The following RPH3A variants were observed in gnomAD, a reference collection of about 807,000 sequenced individuals.
The protein encoded by RPH3A is rabphilin 3A, also known as rabphilin-3A.
A neutral mutation model predicts 102.2 loss-of-function variants in RPH3A; 48 were observed. That is an observed-to-expected ratio of 0.47 (90% confidence interval 0.37 to 0.60). The LOEUF is 0.60. RPH3A is among the 20% of genes least tolerant of loss of function. The pLI is 0.00. For missense variants in RPH3A, 781 were observed against 910.1 expected (o/e 0.86, Z 1.83); for synonymous variants, 310 against 324.3 (o/e 0.96, Z 0.47).
chr12:112,823,759 G>A (rs1330782413), intron 2 of RPH3A, among the ~76,000 whole-genome samples: 1 of 152,188 alleles, frequency 6.6e-6, no homozygotes, highest in Non-Finnish European at 1.5e-5. Context: ...TCTGTAGTGA[G>A]TGATGGGAAA....
chr12:112,631,000 G>A (rs1201772924), intron 1 of RPH3A, among the ~76,000 whole-genome samples: 5 of 152,096 alleles, frequency 3.3e-5, no homozygotes, highest in Non-Finnish European at 7.4e-5. Context: ...GGCAGGTTGG[G>A]GATGAGGAGA....
chr12:112,583,841 C>T (rs1192484989), intron 1 of RPH3A, among the ~76,000 whole-genome samples: 1 of 152,038 alleles, frequency 6.6e-6, no homozygotes, highest in African/African-American at 2.4e-5. Context: ...AAAAATTAGC[C>T]AGGTGGTTGT....
intron 1 of RPH3A, among the ~76,000 whole-genome samples, chr12:112,743,764 A>G (rs2040726039): frequency 6.6e-6 from 1 of 152,180 alleles, no homozygotes; most frequent in South Asian, 2.1e-4. Context: ...AAATGGAAAA[A>G]GATTTGATGT....
intron 1 of RPH3A, among the ~76,000 whole-genome samples, chr12:112,725,835 G>A (rs2040585200): frequency 6.6e-6 from 1 of 151,306 alleles, no homozygotes; most frequent in African/African-American, 2.4e-5. Context: ...TTGCTCTGTT[G>A]CCCAGGCTGG....
chr12:112,821,863 G>A (rs2041786289), intron 2 of RPH3A, among the ~76,000 whole-genome samples: 1 of 152,020 alleles, frequency 6.6e-6, no homozygotes, highest in African/African-American at 2.4e-5. Context: ...CATAGTAATG[G>A]TAAATGTTCC....
At position 112,673,967 on chromosome 12, in the gene RPH3A, C is replaced by T. The variant is rs2040153587; in HGVS notation, c.-140+98648C>T. On this transcript the variant is annotated intron_variant, in intron 1 of 21. Coordinates refer to the RPH3A transcript ENST00000543106. ...TGAGATGGATTCTTGTTATGTTGTCCAGACTGGTCTTAAACTCCTGGTTTC... is the reference window on the plus strand; with the variant it reads ...TGAGATGGATTCTTGTTATGTTGTCTAGACTGGTCTTAAACTCCTGGTTTC... Among the ~76,000 whole-genome samples the T allele has an allele frequency of 2.6e-5, 4 of 152,274 alleles. No homozygotes were observed. In the South Asian group the frequency reaches 8.3e-4, roughly 32 times the overall value.
At chr12:112,865,300 G>A (rs2042589768) in intron 5 of RPH3A, 114 bp from the exon 6 acceptor site, 2 of 1,235,576 alleles carry the variant, frequency 1.6e-6, no homozygotes, top group Non-Finnish European at 1.1e-6. Context: ...ACTGTCATCA[G>A]ACGCACAACA....
chr12:112,789,546 G>T (rs1029127947), upstream of RPH3A, among the ~76,000 whole-genome samples: 3 of 152,118 alleles, frequency 2.0e-5, no homozygotes, highest in Non-Finnish European at 4.4e-5. Context: ...TTGAGTCTAA[G>T]TTTTCTCATT....
At chr12:112,718,748 A>G (rs746254583) in intron 1 of RPH3A, among the ~76,000 whole-genome samples, 7 of 152,202 alleles carry the variant, frequency 4.6e-5, no homozygotes, top group Non-Finnish European at 1.0e-4. Flanking sequence ...TCCAACTTCA[A>G]TCCATTGGTA....
At chr12:112,668,407 A>T (rs774648156) in intron 1 of RPH3A, among the ~76,000 whole-genome samples, 9 of 152,178 alleles carry the variant, frequency 5.9e-5, no homozygotes, top group Non-Finnish European at 1.3e-4. Flanking sequence ...GTTCATTTTA[A>T]AAAGTAAATG....
chr12:112,823,863 A>G (rs1358417829), intron 2 of RPH3A, among the ~76,000 whole-genome samples: 3 of 152,216 alleles, frequency 2.0e-5, no homozygotes, highest in Non-Finnish European at 2.9e-5. Flanking sequence ...GTTGGCTTTC[A>G]TGAAGTATCA....
chr12:112,654,374 C>T (rs1566244428), intron 1 of RPH3A, among the ~76,000 whole-genome samples: 2 of 151,886 alleles, frequency 1.3e-5, no homozygotes, highest in Non-Finnish European at 2.9e-5. Flanking sequence ...GGATTCTTTT[C>T]CTTCTTCTGC....
chr12:112,667,458 C>A (rs1427346717), intron 1 of RPH3A, among the ~76,000 whole-genome samples: 1 of 151,990 alleles, frequency 6.6e-6, no homozygotes, highest in East Asian at 1.9e-4. Flanking sequence ...GCAGAAAATG[C>A]AGGAGTAATT....
intron 1 of RPH3A, among the ~76,000 whole-genome samples, chr12:112,746,416 G>T (rs1318453166): frequency 6.6e-6 from 1 of 152,054 alleles, no homozygotes; most frequent in East Asian, 1.9e-4. Context: ...GTAGAAGCCA[G>T]ACCTCCAAAT....
chr12:112,777,697 G>A (rs766255193), intron 1 of RPH3A, among the ~76,000 whole-genome samples: 1 of 152,222 alleles, frequency 6.6e-6, no homozygotes, highest in Non-Finnish European at 1.5e-5. Flanking sequence ...AATGATGCTA[G>A]CAGCTGAACA....
chr12:112,704,240 C>G lies in RPH3A; in HGVS notation c.-139-87903C>G, dbSNP rs185675699. ...AGTACCTGGGACTACAGGCGTAAGCCGTCACACCTGGATAATTTTTGTATT... is the reference window on the plus strand; with the variant it reads ...AGTACCTGGGACTACAGGCGTAAGCGGTCACACCTGGATAATTTTTGTATT... On this transcript the variant is annotated intron_variant, in intron 1 of 21. Coordinates refer to the RPH3A transcript ENST00000543106. Among the ~76,000 whole-genome samples, 4 of 152,110 alleles carry G rather than the reference C, an allele frequency of 2.6e-5. No homozygotes were observed. The East Asian group carries it at 7.7e-4, about 29-fold the overall frequency.
chr12:112,778,971 A>T (rs1285970404), intron 1 of RPH3A, among the ~76,000 whole-genome samples: 2 of 152,176 alleles, frequency 1.3e-5, no homozygotes, highest in African/African-American at 2.4e-5. Context: ...GAAAGGACTG[A>T]CTGTGGGGAA....
At chr12:112,781,178 A>G (rs1474389539) in intron 1 of RPH3A, among the ~76,000 whole-genome samples, 1 of 131,154 alleles carries the variant, frequency 7.6e-6, no homozygotes, top group Non-Finnish European at 1.6e-5. Flanking sequence ...AAAACAAAAC[A>G]AACAAAAAAA....
intron 1 of RPH3A, among the ~76,000 whole-genome samples, chr12:112,739,324 T>G (rs550337680): frequency 7.9e-5 from 12 of 152,294 alleles, no homozygotes; most frequent in African/African-American, 2.4e-4. Flanking sequence ...TAGATCAACT[T>G]TGTGAAGTGT....
Sources: gnomAD v4.1 joint callset for allele counts (sites outside exome capture counted in the v4.1 genomes callset) on GRCh38, gnomAD v4.1.1 for gene constraint, MANE v1.5 for transcripts, NCBI Gene and HGNC (gene_info 2026-07-23, HGNC 2026-07-21) for gene names.